PTGFRN: variants seen among roughly 807,000 people sequenced by gnomAD.
The protein encoded by PTGFRN is prostaglandin F2 receptor inhibitor.
Under a neutral mutation model 83.2 loss-of-function variants are expected in PTGFRN, and 35 were observed. The ratio of observed to expected loss-of-function variants is 0.42; its 90% CI spans 0.32 to 0.56. PTGFRN has a LOEUF of 0.56. PTGFRN is among the 20% of genes least tolerant of loss of function. The pLI, the probability that PTGFRN is intolerant of heterozygous loss-of-function variation, is 0.11. For missense variants in PTGFRN, 1,051 were observed against 1,179.5 expected (o/e 0.89, Z 1.60); for synonymous variants, 519 against 498.6 (o/e 1.04, Z -0.55).
Position 116,989,593 on chromosome 1 carries a change from A to G in PTGFRN, c.*2626A>G, listed in dbSNP as rs989569843. Reference sequence around the variant, plus strand: ...AAAAGGAACTTTATAAAAGTTTGGGATTTTTTTTCCTAATCATAAAAATAG... The same window carrying G: ...AAAAGGAACTTTATAAAAGTTTGGGGTTTTTTTTCCTAATCATAAAAATAG... On this transcript the variant is annotated 3_prime_UTR_variant, in exon 9 of 9. Transcript: ENST00000393203. 1.3e-5 allele frequency: 2 copies of G among 152,418 alleles called. No individual in the cohort carries two copies. The highest frequency in any genetic ancestry group is 2.9e-5 in the Non-Finnish European group (2 of 68,004). 9.4% of individuals were successfully genotyped at this position (152,418 alleles called of 1,614,324 possible).
At chr1:116,976,662 C>T (rs549326786) in intron 7 of PTGFRN, among the ~76,000 whole-genome samples, 2 of 152,276 alleles carry the variant, frequency 1.3e-5, no homozygotes, top group South Asian at 4.1e-4. Context: ...CCTTTACAGA[C>T]AAGCAAATGC....
At chr1:116,942,212 A>C in intron 2 of PTGFRN, 129 bp downstream of exon 2, 1 of 1,254,524 alleles carries the variant, frequency 8.0e-7, no homozygotes, top group Non-Finnish European at 1.1e-6. Flanking sequence ...GGGAATAATC[A>C]TGTCTTAAAT....
At chr1:116,933,819 T>C (rs184571737) in intron 1 of PTGFRN, among the ~76,000 whole-genome samples, 28 of 152,236 alleles carry the variant, frequency 1.8e-4, no homozygotes, top group African/African-American at 6.5e-4. Flanking sequence ...TCCTGTTCCT[T>C]TCTCTGCCTT....
rs771078630 is a variant in PTGFRN, at chr1:116,941,746, C to T, written c.81C>T (p.Pro27=). 3.1e-6 allele frequency: 5 copies of T among 1,613,796 alleles called. No homozygotes were observed. Among genetic ancestry groups the T allele is most frequent in the Non-Finnish European group, 4.2e-6 (5 of 1,179,838 alleles). Residue 27 remains proline (P), a synonymous_variant, in exon 2 of 9, where the codon CCC becomes CCT. Coordinates refer to ENST00000393203, the MANE Select transcript of PTGFRN (RefSeq NM_020440.4). The surrounding 1 kb of genome is among the most constrained non-coding windows in gnomAD (Gnocchi z 5.0). ...GCCGAGGGCGTGTGGTGAGAGTCCC[C>T]ACAGCGACCCTGGTTCGAGTGGTGG... ...ALCRGRVVRV[P]TATLVRVVGT...
At chr1:116,967,659 A>G (rs557307308) in intron 6 of PTGFRN, among the ~76,000 whole-genome samples, 1 of 152,320 alleles carries the variant, frequency 6.6e-6, no homozygotes, top group East Asian at 1.9e-4. Flanking sequence ...TATTATGGAC[A>G]TTTCACATAA....
chr1:116,979,569 C>T (rs1401243475), intron 7 of PTGFRN, among the ~76,000 whole-genome samples: 4 of 152,126 alleles, frequency 2.6e-5, no homozygotes, highest in East Asian at 1.9e-4. Context: ...TAATACCACA[C>T]ATCTACAACT....
intron 7 of PTGFRN, among the ~76,000 whole-genome samples, chr1:116,978,200 A>G (rs1011433219): frequency 1.2e-4 from 18 of 152,238 alleles, no homozygotes; most frequent in African/African-American, 3.4e-4. Flanking sequence ...GAATAGACCA[A>G]TAACAGGCTC....
intron 1 of PTGFRN, among the ~76,000 whole-genome samples, chr1:116,910,594 C>T (rs1649242320): frequency 1.3e-5 from 2 of 152,022 alleles, no homozygotes; most frequent in Non-Finnish European, 2.9e-5. Flanking sequence ...ACCTTGAACT[C>T]CCGGCCCGGA....
At chr1:116,928,304 C>G (rs1156628702) in intron 1 of PTGFRN, among the ~76,000 whole-genome samples, 2 of 152,188 alleles carry the variant, frequency 1.3e-5, no homozygotes. Flanking sequence ...TGCTTTACTC[C>G]TTTCAGATTC....
In PTGFRN at chr1:116,949,216, A is replaced by G; in HGVS notation, c.857A>G (p.Asn286Ser). ...GTTCTGCGAGCAGCTGTGCCCAAGA[A>G]TGTGTCTGTGGCTGAAGGAAAGGAA... ...PSVLRAAVPK[N>S]VSVAEGKELD... Residue 286 changes from asparagine to serine, a missense_variant, in exon 4 of 9, where the codon AAT (asparagine) becomes AGT (serine). Physicochemically the swap from Asn to Ser is conservative, Grantham distance 46 (BLOSUM62 1). This residue lies in a region of PTGFRN where 719 missense variants were observed against 836.6 expected (regional missense o/e 0.86). Coordinates refer to ENST00000393203, the MANE Select transcript of PTGFRN (RefSeq NM_020440.4). 1 of 1,597,774 alleles carries G rather than the reference A, an allele frequency of 6.3e-7. No homozygotes were observed.
chr1:116,950,253 C>CT (rs1650309543), intron 4 of PTGFRN, among the ~76,000 whole-genome samples: 1 of 152,216 alleles, frequency 6.6e-6, no homozygotes, highest in Admixed American at 6.5e-5. Flanking sequence ...TCCCCTACCT[C>CT]TTTTTTCCCT....
intron 1 of PTGFRN, among the ~76,000 whole-genome samples, chr1:116,920,931 T>A (rs1222870566): frequency 2.0e-5 from 3 of 152,180 alleles, no homozygotes; most frequent in Non-Finnish European, 4.4e-5. Flanking sequence ...GCCGAAGAGT[T>A]GAAATTCTGA....
chr1:116,932,837 C>T (rs1169784963), intron 1 of PTGFRN, among the ~76,000 whole-genome samples: 1 of 152,140 alleles, frequency 6.6e-6, no homozygotes. Context: ...CAAACGAAAT[C>T]CGACCTATCT....
intron 7 of PTGFRN, among the ~76,000 whole-genome samples, chr1:116,978,359 C>G (rs1651217199): frequency 6.6e-6 from 1 of 152,152 alleles, no homozygotes; most frequent in African/African-American, 2.4e-5. Flanking sequence ...GGAATCCTCC[C>G]TAACTCATTT....
rs554852904 is a variant in PTGFRN, at chr1:116,923,587, C to T, written c.49+13335C>T. Among the ~76,000 whole-genome samples the T allele has an allele frequency of 1.3e-5, 2 of 152,316 alleles. No individual in the cohort carries two copies. Among genetic ancestry groups the T allele is most frequent in the South Asian group, 4.1e-4 (2 of 4,828 alleles). On this transcript the variant is annotated intron_variant, in intron 1 of 8. Coordinates refer to ENST00000393203, the MANE Select transcript of PTGFRN (RefSeq NM_020440.4). This position sits in a 1 kb window ranked among gnomAD's most constrained non-coding sequence, Gnocchi z 4.0. ...TGCAGGATTGATACAACCGTTTCCA[C>T]CCCAGAATGGCATAGGCTCCCTTCT...
chr1:116,977,138 A>G (rs1218863863), intron 7 of PTGFRN, among the ~76,000 whole-genome samples: 3 of 152,216 alleles, frequency 2.0e-5, no homozygotes, highest in Non-Finnish European at 2.9e-5. Context: ...GCCATTACAT[A>G]ATGGTAAAGG....
intron 1 of PTGFRN, among the ~76,000 whole-genome samples, chr1:116,921,395 G>C (rs1394024568): frequency 6.6e-6 from 1 of 152,160 alleles, no homozygotes; most frequent in African/African-American, 2.4e-5. Flanking sequence ...CTGAAAGCTG[G>C]CGCATTGAAA....
At chr1:116,980,192 A>G (rs1651274103) in intron 7 of PTGFRN, among the ~76,000 whole-genome samples, 1 of 152,018 alleles carries the variant, frequency 6.6e-6, no homozygotes, top group East Asian at 1.9e-4. Context: ...TAGAATGGCA[A>G]TCATTAAAAA....
At chr1:116,945,169 G>T (rs1650166313) in intron 3 of PTGFRN, 77 bp downstream of exon 3, 1 of 1,499,736 alleles carries the variant, frequency 6.7e-7, no homozygotes, top group East Asian at 2.3e-5. Flanking sequence ...GGGCCAGGGA[G>T]CCCCATGGCC....
Sources: allele counts gnomAD v4.1 joint callset (sites outside exome capture counted in the v4.1 genomes callset), GRCh38; gene constraint gnomAD v4.1.1; regional missense constraint gnomAD v4.1.1; non-coding constraint Gnocchi (gnomAD v3.1); transcripts MANE v1.5; gene names NCBI Gene and HGNC (gene_info 2026-07-23, HGNC 2026-07-21).